The following RASAL2 variants were observed in gnomAD, a reference collection of about 807,000 sequenced individuals.
The protein encoded by RASAL2 is ras GTPase-activating protein nGAP.
A neutral mutation model predicts 128.9 loss-of-function variants in RASAL2; 58 were observed. The ratio of observed to expected loss-of-function variants is 0.45; its 90% CI spans 0.36 to 0.56. The LOEUF is 0.56. RASAL2 is among the 20% of genes least tolerant of loss of function. The probability of loss-of-function intolerance (pLI) is 0.00; values close to 1 mark genes in which losing one functional copy is unlikely to be tolerated. For missense variants in RASAL2, 1,360 were observed against 1,601.6 expected, an observed-to-expected ratio of 0.85 and a Z score of 2.57; for synonymous variants, 561 against 580.8, an observed-to-expected ratio of 0.97 and a Z score of 0.49.
intron 1 of RASAL2, among the ~76,000 whole-genome samples, chr1:178,232,012 A>G (rs608656): frequency 0.62 from 94,127 of 152,134 alleles, 32,252 homozygotes; most frequent in East Asian, 0.8. Context: ...GATTTCGACC[A>G]TAATAAGAAA....
intron 1 of RASAL2, among the ~76,000 whole-genome samples, chr1:178,143,432 A>G (rs992822536): frequency 6.6e-6 from 1 of 152,008 alleles, no homozygotes; most frequent in Non-Finnish European, 1.5e-5. Context: ...CCTTTGCTGC[A>G]ATTTTTTGAA....
chr1:178,293,913 C>G (rs1667384767), intron 2 of RASAL2, among the ~76,000 whole-genome samples: 1 of 152,214 alleles, frequency 6.6e-6, no homozygotes, highest in Admixed American at 6.5e-5. Flanking sequence ...AATGCAAAGC[C>G]TGTCCTAAGC....
At chr1:178,387,954 A>G (rs1446454455) in intron 3 of RASAL2, among the ~76,000 whole-genome samples, 2 of 152,340 alleles carry the variant, frequency 1.3e-5, no homozygotes, top group African/African-American at 4.8e-5. Flanking sequence ...AAGTGAGGAA[A>G]TTAATTTCAG....
chr1:178,283,835 T>A (rs1052066045), intron 2 of RASAL2, 144 bp downstream of exon 2: 5 of 950,036 alleles, frequency 5.3e-6, no homozygotes, highest in Non-Finnish European at 4.6e-6. Flanking sequence ...AGGCTGCTAA[T>A]GTCATAAAGA....
At chr1:178,226,491 C>T (rs972530890) in intron 1 of RASAL2, among the ~76,000 whole-genome samples, 2 of 152,082 alleles carry the variant, frequency 1.3e-5, no homozygotes, top group Non-Finnish European at 2.9e-5. Context: ...ACCACACCAG[C>T]TATGTGGAAG....
At chr1:178,326,773 A>ACCTCAGGTGATCTGCCCGCCTCGG (rs1308076969) in intron 3 of RASAL2, among the ~76,000 whole-genome samples, 13 of 152,066 alleles carry the variant, frequency 8.5e-5, no homozygotes, top group Non-Finnish European at 1.9e-4. Flanking sequence ...CGAACTCCCG[A>ACCTCAGGTGATCTGCCCGCCTCGG]CCTCAGGTGA....
chr1:178,155,254 C>G (rs1661044575), intron 1 of RASAL2, among the ~76,000 whole-genome samples: 1 of 152,052 alleles, frequency 6.6e-6, no homozygotes, highest in South Asian at 2.1e-4. Flanking sequence ...TTCTAAAATT[C>G]TTGGACATAC....
intron 3 of RASAL2, among the ~76,000 whole-genome samples, chr1:178,330,557 A>G (rs150109299): frequency 2.6e-3 from 401 of 152,288 alleles, no homozygotes; most frequent in African/African-American, 8.7e-3. Flanking sequence ...TTTTCACATA[A>G]TTGTAGTTGC....
At chr1:178,398,666 C>T (rs1480307991) in intron 4 of RASAL2, among the ~76,000 whole-genome samples, 1 of 152,118 alleles carries the variant, frequency 6.6e-6, no homozygotes, top group Non-Finnish European at 1.5e-5. Context: ...AACTCAGCTT[C>T]CCCCAAACTG....
At position 178,420,648 on chromosome 1, in the gene RASAL2, A is replaced by G. The variant is rs564341057; in HGVS notation, c.674+28A>G. ...AGGAAGTTAACTTTCTTAAAACAAAAAAAGCAGTTTGAGAGTGAATTTTGT... is the reference window on the plus strand; with the variant it reads ...AGGAAGTTAACTTTCTTAAAACAAAGAAAGCAGTTTGAGAGTGAATTTTGT... On this transcript the variant is annotated intron_variant, in intron 5 of 17. Transcript: ENST00000367649. 3 of 1,518,406 alleles carry G rather than the reference A, an allele frequency of 2.0e-6. No homozygotes were observed. The Admixed American group carries it at 5.7e-5, about 29-fold the overall frequency. 94.1% of individuals were successfully genotyped at this position (1,518,406 alleles called of 1,614,324 possible).
intron 3 of RASAL2, among the ~76,000 whole-genome samples, chr1:178,374,580 G>T (rs139702824): frequency 1.3e-3 from 197 of 152,166 alleles, no homozygotes; most frequent in African/African-American, 3.9e-3. Flanking sequence ...TCATACAACT[G>T]TGCACTGTTA....
At chr1:178,146,598 G>A (rs142921926) in intron 1 of RASAL2, among the ~76,000 whole-genome samples, 56 of 152,258 alleles carry the variant, frequency 3.7e-4, no homozygotes, top group African/African-American at 1.2e-3. Context: ...ATTATTCTTA[G>A]GTGATTGAGC....
intron 4 of RASAL2, among the ~76,000 whole-genome samples, chr1:178,395,577 A>G (rs949616342): frequency 2.0e-5 from 3 of 152,072 alleles, no homozygotes; most frequent in Non-Finnish European, 4.4e-5. Context: ...TTCAATTCAT[A>G]GCATCCAAGC....
intron 14 of RASAL2, among the ~76,000 whole-genome samples, chr1:178,461,998 A>G (rs942329286): frequency 6.6e-6 from 1 of 152,204 alleles, no homozygotes; most frequent in Non-Finnish European, 1.5e-5. Context: ...ATACAGCTTT[A>G]TCTCAAAGGG....
At chr1:178,102,206 C>A (rs1433052178) in intron 1 of RASAL2, among the ~76,000 whole-genome samples, 2 of 152,064 alleles carry the variant, frequency 1.3e-5, no homozygotes, top group South Asian at 2.1e-4. Flanking sequence ...AAAATTAATA[C>A]CCTTTTTCTG....
At chr1:178,256,874 G>A (rs1013105065) in intron 1 of RASAL2, among the ~76,000 whole-genome samples, 3 of 152,016 alleles carry the variant, frequency 2.0e-5, no homozygotes, top group East Asian at 3.9e-4. Context: ...GGGTTTCACC[G>A]TGTTGCCCAG....
At chr1:178,420,265 A>G (rs1008509123) in intron 4 of RASAL2, among the ~76,000 whole-genome samples, 1 of 152,236 alleles carries the variant, frequency 6.6e-6, no homozygotes, top group Non-Finnish European at 1.5e-5. Flanking sequence ...TAATATAAAC[A>G]TTAATAAATA....
chr1:178,131,573 A>G (rs1320033448), intron 1 of RASAL2, among the ~76,000 whole-genome samples: 1 of 151,784 alleles, frequency 6.6e-6, no homozygotes, highest in African/African-American at 2.4e-5. Flanking sequence ...CACCAGACCT[A>G]ATTTAACATT....
intron 3 of RASAL2, among the ~76,000 whole-genome samples, chr1:178,301,072 C>G (rs1013553506): frequency 6.6e-6 from 1 of 152,076 alleles, no homozygotes. Flanking sequence ...TAAGTGGAAC[C>G]CAGAGCTTTT....
Sources: gnomAD v4.1 joint callset for allele counts (sites outside exome capture counted in the v4.1 genomes callset) on GRCh38, gnomAD v4.1.1 for gene constraint, MANE v1.5 for transcripts, NCBI Gene and HGNC (gene_info 2026-07-23, HGNC 2026-07-21) for gene names.